LRP1B: variants seen among roughly 807,000 people sequenced by gnomAD.
LRP1B encodes the protein low-density lipoprotein receptor-related protein 1B.
A neutral mutation model predicts 556.6 loss-of-function variants in LRP1B; 217 were observed. That is an observed-to-expected ratio of 0.39 (90% CI 0.35 to 0.44). The LOEUF is 0.44. Among genes scored for constraint, LRP1B ranks in the 20% least tolerant of loss-of-function variants. The pLI is 1.00. For missense variants in LRP1B, 5,053 were observed against 5,620.8 expected (o/e 0.90, Z 3.23); for synonymous variants, 2,047 against 1,865.8 (o/e 1.10, Z -2.50).
At chr2:140,275,749 G>A (rs912082618) in intron 84 of LRP1B, among the ~76,000 whole-genome samples, 1 of 151,904 alleles carries the variant, frequency 6.6e-6, no homozygotes, top group African/African-American at 2.4e-5. Flanking sequence ...CATCAGTCAC[G>A]AAACTCCCTG....
intron 81 of LRP1B, among the ~76,000 whole-genome samples, chr2:140,322,555 C>CTTGTCAGTACAAGGT (rs1680199635): frequency 8.6e-6 from 1 of 116,190 alleles, no homozygotes; most frequent in Non-Finnish European, 1.8e-5. Context: ...GATGAAAATG[C>CTTGTCAGTACAAGGT]ATATGTAGCT....
Position 141,942,695 on chromosome 2 carries a change from CA to C in LRP1B, c.83-132295del, listed in dbSNP as rs1368830205. ...CAATAACTTCTGAAATTATTTTGTG[CA>C]GCAGTTTCCAAAACAGTGTCCCTGT... On this transcript the variant is annotated intron_variant, in intron 1 of 90. Coordinates refer to ENST00000389484, the MANE Select transcript of LRP1B (RefSeq NM_018557.3). Among the ~76,000 whole-genome samples the C allele has an allele frequency of 1.8e-4, 28 of 152,270 alleles. 1 individual carries two copies. In the South Asian group the frequency reaches 5.8e-3, roughly 32 times the overall value.
chr2:141,011,405 T>A (rs766327222), intron 14 of LRP1B, among the ~76,000 whole-genome samples: 1 of 152,040 alleles, frequency 6.6e-6, no homozygotes, highest in Non-Finnish European at 1.5e-5. Flanking sequence ...CTTTGATCAA[T>A]GTAGTAAAAG....
intron 14 of LRP1B, among the ~76,000 whole-genome samples, chr2:141,007,224 T>G (rs1245219262): frequency 6.6e-6 from 1 of 151,822 alleles, no homozygotes; most frequent in African/African-American, 2.4e-5. Flanking sequence ...TTGGATGTGC[T>G]ATACGGAGGA....
At chr2:142,064,925 C>T (rs1412594257) in intron 1 of LRP1B, among the ~76,000 whole-genome samples, 1 of 151,490 alleles carries the variant, frequency 6.6e-6, no homozygotes, top group Non-Finnish European at 1.5e-5. Flanking sequence ...CATGTACCTC[C>T]ATGTAACAAT....
intron 1 of LRP1B, among the ~76,000 whole-genome samples, chr2:141,996,709 T>TC (rs1443155404): frequency 6.8e-5 from 6 of 88,528 alleles, no homozygotes; most frequent in Non-Finnish European, 1.3e-4. Context: ...TTAAATTTTT[T>TC]CTTTCCCCCC....
At chr2:141,817,527 C>A (rs1258647926) in intron 1 of LRP1B, among the ~76,000 whole-genome samples, 1 of 151,780 alleles carries the variant, frequency 6.6e-6, no homozygotes, top group East Asian at 1.9e-4. Context: ...TTGATATAGC[C>A]ATAGCTGAAA....
rs146836619 is a variant in LRP1B at position 141,502,211 on chromosome 2, T to A, written c.206-21678A>T. ...TTTTCATTCAAATATTCTGTAAGAA[T>A]CAATATCCTTCTGAAGTAATGAAAT... On this transcript the variant is annotated intron_variant, in intron 2 of 90. Transcript: ENST00000389484. Among the ~76,000 whole-genome samples the A allele has an allele frequency of 1.8e-3, 273 of 152,278 alleles. 1 individual carries two copies. Among genetic ancestry groups the A allele is most frequent in the African/African-American group, 6.3e-3 (260 of 41,550 alleles).
At chr2:140,299,409 C>T (rs193009984) in intron 83 of LRP1B, among the ~76,000 whole-genome samples, 26 of 152,134 alleles carry the variant, frequency 1.7e-4, no homozygotes, top group African/African-American at 6.3e-4. Flanking sequence ...TAATATTTCT[C>T]TAAAACTTAG....
chr2:141,561,135 A>G lies in LRP1B; in HGVS notation c.206-80602T>C, dbSNP rs558703470. Among the ~76,000 whole-genome samples the G allele has an allele frequency of 1.3e-4, 20 of 151,840 alleles. No individual in the cohort carries two copies. The South Asian group carries it at 4.1e-3, about 31-fold the overall frequency. ...TATATTTTAAAATATTCCTAACACCACAATGCATAGCAGAAAATAAAGGTT... is the reference window on the plus strand; with the variant it reads ...TATATTTTAAAATATTCCTAACACCGCAATGCATAGCAGAAAATAAAGGTT... On this transcript the variant is annotated intron_variant, in intron 2 of 90. Coordinates refer to ENST00000389484, the MANE Select transcript of LRP1B (RefSeq NM_018557.3).
At chr2:142,096,788 T>C (rs1316389084) in intron 1 of LRP1B, among the ~76,000 whole-genome samples, 1 of 151,628 alleles carries the variant, frequency 6.6e-6, no homozygotes, top group African/African-American at 2.4e-5. Context: ...GTATATTGCA[T>C]AATGATGAAG....
At chr2:140,292,641 T>G in intron 84 of LRP1B, among the ~76,000 whole-genome samples, 1 of 152,310 alleles carries the variant, frequency 6.6e-6, no homozygotes, top group Admixed American at 6.5e-5. Context: ...TAGTAGCCTC[T>G]GTGTTTCATT....
chr2:141,050,597 G>A (rs1009494547), intron 10 of LRP1B, among the ~76,000 whole-genome samples: 2 of 151,964 alleles, frequency 1.3e-5, no homozygotes, highest in South Asian at 2.1e-4. Context: ...AACATGCAGG[G>A]TTTGGTTACA....
chr2:141,605,726 A>G (rs1687894932), intron 2 of LRP1B, among the ~76,000 whole-genome samples: 1 of 152,236 alleles, frequency 6.6e-6, no homozygotes, highest in African/African-American at 2.4e-5. Context: ...ATGCCAAGAA[A>G]GACTTTGGAA....
chr2:141,190,753 C>T (rs189607128), intron 6 of LRP1B, among the ~76,000 whole-genome samples: 7 of 151,988 alleles, frequency 4.6e-5, no homozygotes, highest in African/African-American at 1.7e-4. Flanking sequence ...CTTCCTTTCT[C>T]GAACTTAGAA....
chr2:141,383,156 A>T (rs1477035340), intron 3 of LRP1B, among the ~76,000 whole-genome samples: 1 of 152,232 alleles, frequency 6.6e-6, no homozygotes, highest in Admixed American at 6.5e-5. Context: ...AATGTGAATC[A>T]AAACCACAAT....
intron 83 of LRP1B, among the ~76,000 whole-genome samples, chr2:140,304,058 G>A (rs182587196): frequency 2.6e-5 from 4 of 152,092 alleles, no homozygotes; most frequent in East Asian, 1.9e-4. Flanking sequence ...CCAGTCTATC[G>A]TTGATGGACA....
chr2:141,376,322 T>C (rs1190708165), intron 3 of LRP1B, among the ~76,000 whole-genome samples: 1 of 152,184 alleles, frequency 6.6e-6, no homozygotes, highest in Non-Finnish European at 1.5e-5. Context: ...CATTTCAAAA[T>C]GTGGAGCTCT....
At chr2:140,984,842 A>G (rs1696870377) in intron 17 of LRP1B, among the ~76,000 whole-genome samples, 1 of 152,124 alleles carries the variant, frequency 6.6e-6, no homozygotes, top group African/African-American at 2.4e-5. Flanking sequence ...ATTTTAACTG[A>G]TTTCAGATGA....
Sources: gnomAD v4.1 joint callset for allele counts (sites outside exome capture counted in the v4.1 genomes callset) on GRCh38, gnomAD v4.1.1 for gene constraint, MANE v1.5 for transcripts, NCBI Gene and HGNC (gene_info 2026-07-23, HGNC 2026-07-21) for gene names.